The following CLEC2L variants were observed in gnomAD, a reference collection of about 807,000 sequenced individuals.
The protein encoded by CLEC2L is C-type lectin domain family 2, member L.
A neutral mutation model predicts 23.6 loss-of-function variants in CLEC2L; 14 were observed. That is an observed-to-expected ratio of 0.59 (90% CI 0.39 to 0.93). The LOEUF (loss-of-function observed/expected upper bound fraction) is 0.93. CLEC2L is among the 40% of genes least tolerant of loss of function. CLEC2L has a pLI of 0.00. For missense variants in CLEC2L, 264 were observed against 282.4 expected (o/e 0.93, Z 0.47); for synonymous variants, 114 against 121.3 (o/e 0.94, Z 0.40).
intron 1 of CLEC2L, chr7:139,534,188 C>T (rs558879936): frequency 3.6e-5 from 27 of 750,464 alleles, no homozygotes; most frequent in Non-Finnish European, 5.4e-5. Flanking sequence ...TCAGAAAGAA[C>T]TACCGGTAGC....
intron 4 of CLEC2L, 33 bp from the exon 5 acceptor site, chr7:139,544,198 T>TC (rs1797775660): frequency 6.5e-7 from 1 of 1,542,030 alleles, no homozygotes; most frequent in African/African-American, 1.4e-5. Flanking sequence ...ATGTTCCAGA[T>TC]CATAAACGCC....
intron 1 of CLEC2L, among the ~76,000 whole-genome samples, chr7:139,530,656 T>A (rs1339150205): frequency 6.6e-6 from 1 of 151,460 alleles, no homozygotes; most frequent in Non-Finnish European, 1.5e-5. Flanking sequence ...CTACTAAAAT[T>A]ACAAAAATTA....
chr7:139,533,375 A>T (rs374113709), intron 1 of CLEC2L, among the ~76,000 whole-genome samples: 56 of 152,312 alleles, frequency 3.7e-4, no homozygotes, highest in African/African-American at 1.3e-3. Context: ...TAGTTTTTGG[A>T]GACAGAGTCT....
chr7:139,530,378 G>A (rs1417688457), intron 1 of CLEC2L, among the ~76,000 whole-genome samples: 1 of 152,168 alleles, frequency 6.6e-6, no homozygotes, highest in Non-Finnish European at 1.5e-5. Flanking sequence ...GACCTCTAAG[G>A]CTCAGGGGTT....
At chr7:139,537,023 T>C (rs1797669364) in intron 2 of CLEC2L, among the ~76,000 whole-genome samples, 1 of 149,314 alleles carries the variant, frequency 6.7e-6, no homozygotes, top group African/African-American at 2.5e-5. Flanking sequence ...TCAGCATTTA[T>C]TGAGTGCTGC....
intron 4 of CLEC2L, 69 bp downstream of exon 4, chr7:139,542,190 C>T: frequency 9.6e-7 from 1 of 1,045,698 alleles, no homozygotes; most frequent in Non-Finnish European, 1.4e-6. Context: ...CCCCTGGACA[C>T]AACTCCCGAA....
intron 1 of CLEC2L, among the ~76,000 whole-genome samples, chr7:139,524,504 A>G (rs1410518640): frequency 1.3e-5 from 2 of 152,114 alleles, no homozygotes; most frequent in South Asian, 2.1e-4. Context: ...GTAAAGTAAG[A>G]AAGCTGGAGA....
chr7:139,544,480 C>T lies in CLEC2L; in HGVS notation c.*138C>T, dbSNP rs1585204480. The stretch of plus-strand genomic sequence containing the variant: ...TGCGTGGCCTCCGCCCCAGGCCCCT[C>T]TCCCAGGCCCTGGCGCTCTGAGTCC... On this transcript the variant is annotated 3_prime_UTR_variant, in exon 5 of 5. Coordinates refer to ENST00000422142, the MANE Select transcript of CLEC2L (RefSeq NM_001080511.4). 1.6e-6 allele frequency: 1 copy of T among 620,572 alleles called. No individual in the cohort carries two copies. The allele number at this position is 620,572 out of a possible 1,614,324, so 38.4% of individuals were successfully genotyped here.
In CLEC2L at chr7:139,544,482, C is replaced by T. The variant is rs182956250; in HGVS notation, c.*140C>T. 48 of 620,624 alleles carry T rather than the reference C, an allele frequency of 7.7e-5. No individual in the cohort carries two copies. The African/African-American group carries it at 7.9e-4, about 10-fold the overall frequency. The allele number at this position is 620,624 out of a possible 1,614,324, so 38.4% of individuals were successfully genotyped here. ...CGTGGCCTCCGCCCCAGGCCCCTCT[C>T]CCAGGCCCTGGCGCTCTGAGTCCCT... is the stretch of plus-strand genomic sequence containing the variant. On this transcript the variant is annotated 3_prime_UTR_variant, in exon 5 of 5. Coordinates refer to ENST00000422142, the MANE Select transcript of CLEC2L (RefSeq NM_001080511.4).
At chr7:139,528,779 T>C (rs1290383390) in intron 1 of CLEC2L, among the ~76,000 whole-genome samples, 1 of 152,044 alleles carries the variant, frequency 6.6e-6, no homozygotes, top group African/African-American at 2.4e-5. Flanking sequence ...AGTGCCAAAG[T>C]CCGTCAGCAA....
intron 1 of CLEC2L, among the ~76,000 whole-genome samples, chr7:139,526,322 CT>C (rs1797505724): frequency 1.3e-5 from 2 of 152,066 alleles, no homozygotes; most frequent in Admixed American, 1.3e-4. Context: ...CATGTAGGAA[CT>C]GAGCCCTGGA....
In CLEC2L at chr7:139,544,566, T is replaced by C. The variant is rs769989628; in HGVS notation, c.*224T>C. 3.7e-5 allele frequency: 21 copies of C among 573,788 alleles called. No individual in the cohort carries two copies. The highest frequency in any genetic ancestry group is 5.9e-5 in the Non-Finnish European group (19 of 320,508). The allele number at this position is 573,788 out of a possible 1,614,324, so 35.5% of individuals were successfully genotyped here. ...TGTGGCTCAGCAGTTAAATCCCATA[T>C]GCTAGGTAGTGTAGGCATCTGCCCA... On this transcript the variant is annotated 3_prime_UTR_variant, in exon 5 of 5. Coordinates refer to ENST00000422142, the MANE Select transcript of CLEC2L (RefSeq NM_001080511.4).
At position 139,544,438 on chromosome 7, in the gene CLEC2L, C is replaced by G. The variant is rs1797780294; in HGVS notation, c.*96C>G. ...TTCCAGCGGAGCCGCCTGCCCTCTG[C>G]AAGGCGAAGCGGTGGGTGCGTGGCC... On this transcript the variant is annotated 3_prime_UTR_variant, in exon 5 of 5. Coordinates refer to ENST00000422142, the MANE Select transcript of CLEC2L (RefSeq NM_001080511.4). 1 of 869,230 alleles carries G rather than the reference C, an allele frequency of 1.2e-6. No homozygotes were observed. The highest frequency in any genetic ancestry group is 1.8e-6 in the Non-Finnish European group (1 of 550,858). 53.8% of individuals were successfully genotyped at this position (869,230 alleles called of 1,614,324 possible).
At chr7:139,525,405 A>C (rs1797493032) in intron 1 of CLEC2L, among the ~76,000 whole-genome samples, 11 of 152,128 alleles carry the variant, frequency 7.2e-5, no homozygotes, top group Admixed American at 7.2e-4. Flanking sequence ...TGTCCGAGGA[A>C]GGGCTGTGCA....
chr7:139,536,358 C>A lies in CLEC2L; in HGVS notation c.265+10C>A. 1.3e-6 allele frequency: 2 copies of A among 1,549,634 alleles called. No homozygotes were observed. Among genetic ancestry groups the A allele is most frequent in the Non-Finnish European group, 1.7e-6 (2 of 1,145,496 alleles). On this transcript the variant is annotated intron_variant, in intron 2 of 4. Transcript: ENST00000422142. ...GTGATGAGCATCTTGGGTGAGCATG[C>A]GTGTCAGAGCATTTATGCATTCAGT...
chr7:139,544,095 C>T lies in CLEC2L; in HGVS notation c.534-136C>T, dbSNP rs192834402. On this transcript the variant is annotated intron_variant, in intron 4 of 4. Transcript: ENST00000422142. The stretch of plus-strand genomic sequence containing the variant: ...GCCAAGCTAGAACAGTCTGTTGGCC[C>T]AAATGTCCTAGAAGGCAGCTCCAGT... 6.4e-4 allele frequency: 413 copies of T among 649,004 alleles called. 3 individuals are homozygous for T. In the East Asian group the frequency reaches 8.8e-3, roughly 14 times the overall value. The allele number at this position is 649,004 out of a possible 1,614,324, so 40.2% of individuals were successfully genotyped here. A position where few individuals can be genotyped will look rare whatever the true frequency, so the allele number is the denominator to read the frequency against.
chr7:139,524,168 C>A, intron 1 of CLEC2L, 51 bp downstream of exon 1: 1 of 1,169,702 alleles, frequency 8.5e-7, no homozygotes, highest in Non-Finnish European at 1.1e-6. Flanking sequence ...CTGCCCAGGC[C>A]CGACCCGCGA....
chr7:139,529,220 A>G (rs1022078268), intron 1 of CLEC2L, among the ~76,000 whole-genome samples: 3 of 152,228 alleles, frequency 2.0e-5, no homozygotes, highest in Non-Finnish European at 4.4e-5. Flanking sequence ...AGAGTTTACC[A>G]TGCCAGGCAC....
rs1365959824 is a variant in CLEC2L, at chr7:139,523,836, G to T, written c.-92G>T. The T allele has an allele frequency of 1.0e-5, 9 of 870,756 alleles. No individual in the cohort carries two copies. The highest frequency in any genetic ancestry group is 1.2e-5 in the Non-Finnish European group (9 of 728,038). The allele number at this position is 870,756 out of a possible 1,614,324, so 53.9% of individuals were successfully genotyped here. A position where few individuals can be genotyped will look rare whatever the true frequency, so the allele number is the denominator to read the frequency against. On this transcript the variant is annotated 5_prime_UTR_variant, in exon 1 of 5. Transcript: ENST00000422142. The surrounding 1 kb of genome is among the most constrained non-coding windows in gnomAD (Gnocchi z 4.1). ...AGCCCACCCGAGGCCGGCCTGGGGG[G>T]CCCGCAGGGCGCGCGGAGCGCCGAG...
Sources: allele counts gnomAD v4.1 joint callset (sites outside exome capture counted in the v4.1 genomes callset), GRCh38; gene constraint gnomAD v4.1.1; non-coding constraint Gnocchi (gnomAD v3.1); transcripts MANE v1.5; gene names NCBI Gene and HGNC (gene_info 2026-07-23, HGNC 2026-07-21).